Variants in SPG7 observed in about 807,000 individuals in gnomAD.
SPG7 encodes the protein SPG7 matrix AAA peptidase subunit, paraplegin.
In SPG7, 103 loss-of-function variants were observed where a neutral mutation model predicts 81.9. That is an observed-to-expected ratio of 1.26 (90% CI 1.07 to 1.48). The LOEUF is 1.48. Among genes scored for constraint, SPG7 ranks in the 40% most tolerant of loss-of-function variants. The pLI is 0.00. For missense variants in SPG7, 1,241 were observed against 1,087.3 expected (o/e 1.14, Z -1.99); for synonymous variants, 534 against 444.2 (o/e 1.20, Z -2.54).
At chr16:89,512,865 T>C in intron 2 of SPG7, 83 bp from the exon 3 acceptor site, 1 of 1,492,766 alleles carries the variant, frequency 6.7e-7, no homozygotes, top group African/African-American at 1.4e-5. Context: ...TTGCTTTGGT[T>C]ATTTAGGAGT....
intron 11 of SPG7, chr16:89,547,526 C>T (rs1233805967): frequency 7.8e-5 from 17 of 217,668 alleles, no homozygotes; most frequent in Admixed American, 5.3e-5. Flanking sequence ...CTGCTCCTGG[C>T]GCCAGCTCCC....
At chr16:89,538,526 A>AG (rs2058457243) in intron 9 of SPG7, 1 of 151,700 alleles carries the variant, frequency 6.6e-6, no homozygotes, top group Admixed American at 6.6e-5. Context: ...GCAGGCGGGG[A>AG]GGGGCCGGCA....
At chr16:89,513,470 C>T (rs1024444889) in intron 3 of SPG7, among the ~76,000 whole-genome samples, 3 of 151,370 alleles carry the variant, frequency 2.0e-5, no homozygotes, top group Non-Finnish European at 4.4e-5. Context: ...GAGTGGAGAT[C>T]ATGCCATTGC....
chr16:89,540,823 A>G (rs745816325), intron 9 of SPG7: 361 of 882,572 alleles, frequency 4.1e-4, no homozygotes, highest in Middle Eastern at 5.7e-4. Context: ...GAAAGCAAAG[A>G]CTTAGGCTCA....
intron 3 of SPG7, among the ~76,000 whole-genome samples, chr16:89,515,715 AT>A (rs1172192561): frequency 9.6e-5 from 14 of 146,314 alleles, no homozygotes; most frequent in South Asian, 4.3e-4. Flanking sequence ...TATTATTATT[AT>A]TTTTTTTTTT....
chr16:89,552,524 G>C, intron 13 of SPG7: 1 of 215,206 alleles, frequency 4.6e-6, no homozygotes, highest in Non-Finnish European at 9.6e-6. Context: ...TCGTTGCCCC[G>C]CGCCACCTCC....
At chr16:89,517,167 T>G (rs2058109063) in intron 3 of SPG7, 1 of 152,438 alleles carries the variant, frequency 6.6e-6, no homozygotes, top group Non-Finnish European at 1.5e-5. Flanking sequence ...GTGTGGCCTG[T>G]GCGGATTCTG....
chr16:89,545,579 G>C (rs897979749), intron 10 of SPG7: 1 of 216,262 alleles, frequency 4.6e-6, no homozygotes, highest in African/African-American at 2.4e-5. Context: ...GCTTCTCCAG[G>C]GGACATGGCT....
intron 6 of SPG7, 139 bp downstream of exon 6, chr16:89,529,718 A>C: frequency 1.4e-6 from 1 of 724,374 alleles, no homozygotes; most frequent in Non-Finnish European, 2.5e-6. Context: ...ACAGCAGCTC[A>C]CCTTCCTTTC....
At position 89,532,654 on chromosome 16, in the gene SPG7, C is replaced by T. The variant is rs372803371; in HGVS notation, c.1324+18C>T. 102 of 1,612,650 alleles carry T rather than the reference C, an allele frequency of 6.3e-5. 1 individual carries two copies. In the Middle Eastern group the frequency reaches 1.1e-3, roughly 17 times the overall value. On this transcript the variant is annotated intron_variant, in intron 9 of 16. Coordinates refer to ENST00000645818, the MANE Select transcript of SPG7 (RefSeq NM_003119.4). ...AATGGATGGTCAGTGCTCGTGCGCCCCGCACCCCCATTGCACCATCAGAGG... is the reference window on the plus strand; with the variant it reads ...AATGGATGGTCAGTGCTCGTGCGCCTCGCACCCCCATTGCACCATCAGAGG...
At chr16:89,519,667 C>A (rs1313106691) in intron 3 of SPG7, 1 of 152,234 alleles carries the variant, frequency 6.6e-6, no homozygotes, top group Non-Finnish European at 1.5e-5. Flanking sequence ...CAGGCGTGAG[C>A]CACCGCGCCC....
Position 89,550,611 on chromosome 16 carries a change from TGGGTCTTGGCAGGTGCCGGCTCCAC to T in SPG7, c.1779+6_1779+30del, listed in dbSNP as rs1286485291. On this transcript the variant is annotated splice_donor_5th_base_variant and intron_variant, in intron 13 of 16. Coordinates refer to ENST00000645818, the MANE Select transcript of SPG7 (RefSeq NM_003119.4). The stretch of plus-strand genomic sequence containing the variant: ...GAGCACACGGAGGCCGTGATGAAGG[TGGGTCTTGGCAGGTGCCGGCTCCAC>T]GGGCCTTGGCCAAAGGTGGGTGGGG... The T allele has an allele frequency of 1.9e-6, 3 of 1,610,308 alleles. No homozygotes were observed. The highest frequency in any genetic ancestry group is 3.3e-5 in the Admixed American group (2 of 59,982).
intron 12 of SPG7, chr16:89,548,928 G>C: frequency 2.2e-6 from 1 of 454,210 alleles, no homozygotes; most frequent in Non-Finnish European, 4.4e-6. Flanking sequence ...CGAGAACCGA[G>C]TTCCTCACCC....
intron 7 of SPG7, 185 bp downstream of exon 7, chr16:89,530,993 G>T (rs2058334219): frequency 1.3e-6 from 1 of 765,488 alleles, no homozygotes; most frequent in Non-Finnish European, 2.2e-6. Flanking sequence ...CACAAGCCTC[G>T]TGCACATGGT....
intron 5 of SPG7, among the ~76,000 whole-genome samples, chr16:89,528,089 G>GTACA (rs1382298927): frequency 3.3e-5 from 5 of 151,462 alleles, no homozygotes; most frequent in East Asian, 3.9e-4. Context: ...GGCCGATGAT[G>GTACA]GACAGAAGGT....
chr16:89,534,402 G>A (rs1427927010), intron 9 of SPG7, among the ~76,000 whole-genome samples: 3 of 152,196 alleles, frequency 2.0e-5, no homozygotes, highest in African/African-American at 4.8e-5. Flanking sequence ...TTTGCCCGTC[G>A]GTGGACATGT....
Position 89,511,013 on chromosome 16 carries a change from T to A in SPG7, c.286+421T>A, listed in dbSNP as rs1455277466. On this transcript the variant is annotated intron_variant, in intron 2 of 16. Transcript: ENST00000645818. The stretch of plus-strand genomic sequence containing the variant: ...GCGCCTAGCTAATTTTTGGGGGGTA[T>A]TTTTTGTGGAGATGGGGTTTTGCCA... Among the ~76,000 whole-genome samples the A allele has an allele frequency of 2.0e-5, 3 of 152,148 alleles. No homozygotes were observed. The East Asian group carries it at 5.8e-4, about 29-fold the overall frequency.
intron 9 of SPG7, chr16:89,543,593 C>T (rs1458976852): frequency 3.3e-5 from 5 of 151,388 alleles, no homozygotes; most frequent in African/African-American, 1.2e-4. Context: ...CTGCCTCAGC[C>T]TCCCAAAGTG....
intron 13 of SPG7, chr16:89,551,983 C>G (rs2058638844): frequency 6.6e-6 from 1 of 152,182 alleles, no homozygotes. Flanking sequence ...GGCTCAGTGT[C>G]CTGCCAGGAA....
Sources: gnomAD v4.1 joint callset for allele counts (sites outside exome capture counted in the v4.1 genomes callset) on GRCh38, gnomAD v4.1.1 for gene constraint, MANE v1.5 for transcripts, NCBI Gene and HGNC (gene_info 2026-07-23, HGNC 2026-07-21) for gene names.